OPCML: variants seen among roughly 807,000 people sequenced by gnomAD.
OPCML encodes opioid binding protein/cell adhesion molecule like, also known as opioid-binding protein/cell adhesion molecule.
OPCML carries 13 observed loss-of-function variants against 37.8 expected under a neutral mutation model. That is an observed-to-expected ratio of 0.34 (90% confidence interval 0.22 to 0.55). The LOEUF is 0.55. Ranked by LOEUF, OPCML falls within the 20% of genes least tolerant of loss-of-function variation. The pLI, the probability that OPCML is intolerant of heterozygous loss-of-function variation, is 0.91. For synonymous variants in OPCML, 176 were observed against 168.8 expected, an observed-to-expected ratio of 1.04 and a Z score of -0.33; for missense variants, 341 against 435.6, an observed-to-expected ratio of 0.78 and a Z score of 1.93.
chr11:132,542,150 G>T (rs932967456), intron 3 of OPCML, among the ~76,000 whole-genome samples: 3 of 152,094 alleles, frequency 2.0e-5, no homozygotes, highest in Admixed American at 2.0e-4. Context: ...TCTCACCAAT[G>T]GTCCCTGATG....
rs145933271 is a variant in OPCML at position 133,303,684 on chromosome 11, T to G, written c.61+228580A>C. On this transcript the variant is annotated intron_variant, in intron 1 of 7. Coordinates refer to ENST00000524381, the MANE Select transcript of OPCML (RefSeq NM_001012393.5). ...TGGCCTATTACTGAGGGTACGTTATTGATAAACTGATGTTAGTCATTTACT... is the reference window on the plus strand; with the variant it reads ...TGGCCTATTACTGAGGGTACGTTATGGATAAACTGATGTTAGTCATTTACT... Among the ~76,000 whole-genome samples the G allele has an allele frequency of 5.9e-3, 901 of 152,302 alleles. 15 individuals carry two copies. The highest frequency in any genetic ancestry group is 0.021 in the African/African-American group (861 of 41,564).
At chr11:132,460,853 G>A (rs1484799169) in intron 4 of OPCML, among the ~76,000 whole-genome samples, 1 of 152,184 alleles carries the variant, frequency 6.6e-6, no homozygotes, top group Non-Finnish European at 1.5e-5. Flanking sequence ...CTTAGAAAGA[G>A]CTCTGGAGCA....
intron 1 of OPCML, among the ~76,000 whole-genome samples, chr11:133,451,146 C>A (rs1946573526): frequency 1.3e-5 from 2 of 151,654 alleles, no homozygotes; most frequent in South Asian, 4.1e-4. Context: ...GTTTAAAAAT[C>A]TGCTTTCTAT....
chr11:133,362,784 C>T (rs758310910), intron 1 of OPCML, among the ~76,000 whole-genome samples: 35 of 152,112 alleles, frequency 2.3e-4, no homozygotes, highest in Non-Finnish European at 4.6e-4. Flanking sequence ...CCACTGGCCC[C>T]GCGGTGGGAA....
At chr11:133,003,682 A>T (rs1255359223) in intron 1 of OPCML, 3 of 985,320 alleles carry the variant, frequency 3.0e-6, no homozygotes, top group Non-Finnish European at 2.4e-6. Context: ...AATACCCAGC[A>T]TTCTATTGCT....
chr11:132,621,843 G>A (rs567615225), intron 3 of OPCML, among the ~76,000 whole-genome samples: 2 of 152,220 alleles, frequency 1.3e-5, no homozygotes, highest in African/African-American at 4.8e-5. Flanking sequence ...GAAAACATAT[G>A]GATAAGAGCA....
intron 1 of OPCML, among the ~76,000 whole-genome samples, chr11:133,132,590 A>G (rs1452438592): frequency 6.6e-6 from 1 of 152,152 alleles, no homozygotes; most frequent in African/African-American, 2.4e-5. Context: ...ATAGCTGCAA[A>G]TTGGTAGCAT....
chr11:132,839,302 G>A (rs1406091771), intron 2 of OPCML, among the ~76,000 whole-genome samples: 2 of 152,116 alleles, frequency 1.3e-5, no homozygotes, highest in Non-Finnish European at 2.9e-5. Flanking sequence ...ATTTTATCTC[G>A]GCAGAGAGGA....
intron 4 of OPCML, among the ~76,000 whole-genome samples, chr11:132,490,423 A>G (rs1311343242): frequency 6.6e-6 from 1 of 152,030 alleles, no homozygotes; most frequent in Non-Finnish European, 1.5e-5. Flanking sequence ...GAAGAGCTCC[A>G]GGGCTCAGGC....
chr11:133,506,888 C>A (rs1461606150), intron 1 of OPCML, among the ~76,000 whole-genome samples: 1 of 152,254 alleles, frequency 6.6e-6, no homozygotes, highest in Non-Finnish European at 1.5e-5. Flanking sequence ...TGGCTGCCTG[C>A]CTCTGCACTA....
chr11:132,707,517 A>G (rs1346430691), intron 2 of OPCML, among the ~76,000 whole-genome samples: 1 of 152,214 alleles, frequency 6.6e-6, no homozygotes, highest in Non-Finnish European at 1.5e-5. Flanking sequence ...GCCCACTGAC[A>G]ATGAGAACAA....
At chr11:132,808,775 C>T (rs1394151205) in intron 2 of OPCML, among the ~76,000 whole-genome samples, 1 of 152,124 alleles carries the variant, frequency 6.6e-6, no homozygotes, top group Non-Finnish European at 1.5e-5. Context: ...AAGTAATTCT[C>T]CTAAAAAGCA....
At chr11:132,956,568 T>C (rs1436049739) in intron 1 of OPCML, among the ~76,000 whole-genome samples, 5 of 152,278 alleles carry the variant, frequency 3.3e-5, no homozygotes, top group Middle Eastern at 3.4e-3. Flanking sequence ...CCACAATAAA[T>C]TGGGTTTTGA....
At chr11:133,389,920 A>G (rs1327396518) in intron 1 of OPCML, among the ~76,000 whole-genome samples, 4 of 152,220 alleles carry the variant, frequency 2.6e-5, no homozygotes, top group African/African-American at 7.2e-5. Context: ...TATTTCAGCT[A>G]AAGCCCCCAT....
intron 1 of OPCML, among the ~76,000 whole-genome samples, chr11:132,983,799 G>A (rs1187560638): frequency 6.6e-6 from 1 of 152,200 alleles, no homozygotes; most frequent in African/African-American, 2.4e-5. Context: ...ATATGGCTAT[G>A]TGTTCTTCTG....
rs151237709 is a variant in OPCML at position 132,986,135 on chromosome 11, A to G, written c.62-43125T>C. Among the ~76,000 whole-genome samples, 973 of 152,164 alleles carry G rather than the reference A, an allele frequency of 6.4e-3. 10 individuals are homozygous for G. The highest frequency in any genetic ancestry group is 0.022 in the African/African-American group (923 of 41,488). ...ACTTTTTTTTACTTTCTTTCCCTCA[A>G]TCTAATGGAAATACCCATAAAACCT... On this transcript the variant is annotated intron_variant, in intron 1 of 7. Transcript: ENST00000524381.
chr11:132,569,458 A>G (rs926116668), intron 3 of OPCML, among the ~76,000 whole-genome samples: 1 of 152,180 alleles, frequency 6.6e-6, no homozygotes, highest in African/African-American at 2.4e-5. Context: ...CAAGTCATAC[A>G]CTTGTGTCAC....
chr11:133,063,120 G>A (rs994912849), intron 1 of OPCML, among the ~76,000 whole-genome samples: 3 of 152,206 alleles, frequency 2.0e-5, no homozygotes, highest in East Asian at 1.9e-4. Flanking sequence ...ACCAGCCTTC[G>A]CAGTGTAAGT....
chr11:133,361,608 CTCCGGGGCACCTGCAGCTAT>C (rs1174230253), intron 1 of OPCML: 39 of 158,600 alleles, frequency 2.5e-4, no homozygotes, highest in Admixed American at 1.9e-3. Context: ...CCTGCAGCTA[CTCCGGGGCACCTGCAGCTAT>C]TCCGGGGCAC....
Sources: allele counts gnomAD v4.1 joint callset (sites outside exome capture counted in the v4.1 genomes callset), GRCh38; gene constraint gnomAD v4.1.1; transcripts MANE v1.5; gene names NCBI Gene and HGNC (gene_info 2026-07-23, HGNC 2026-07-21).